HAVCR1: variants seen among roughly 807,000 people sequenced by gnomAD.
HAVCR1 encodes the protein hepatitis A virus cellular receptor 1.
A neutral mutation model predicts 32.0 loss-of-function variants in HAVCR1; 34 were observed. That is an observed-to-expected ratio of 1.06 (90% CI 0.81 to 1.42). The LOEUF is 1.42. Ranked by LOEUF, HAVCR1 falls within the 40% of genes most tolerant of loss-of-function variation. The pLI, the probability that HAVCR1 is intolerant of heterozygous loss-of-function variation, is 0.00. For missense variants in HAVCR1, 420 were observed against 442.3 expected (o/e 0.95, Z 0.45); for synonymous variants, 178 against 170.3 (o/e 1.05, Z -0.35).
At chr5:157,034,054 A>T (rs1450008208) in intron 7 of HAVCR1, among the ~76,000 whole-genome samples, 1 of 152,202 alleles carries the variant, frequency 6.6e-6, no homozygotes, top group Admixed American at 6.5e-5. Context: ...AGGTGGGACA[A>T]GAGACTGAGA....
intron 7 of HAVCR1, among the ~76,000 whole-genome samples, chr5:157,033,772 G>A (rs1319637559): frequency 2.0e-5 from 3 of 152,136 alleles, no homozygotes; most frequent in African/African-American, 7.2e-5. Context: ...CTAAGAAAAG[G>A]GTATTTAAGG....
At chr5:157,039,169 C>T (rs1357796069) in intron 6 of HAVCR1, among the ~76,000 whole-genome samples, 1 of 152,050 alleles carries the variant, frequency 6.6e-6, no homozygotes, top group East Asian at 1.9e-4. Context: ...AGCACTTTTG[C>T]CATTTTGCTT....
intron 4 of HAVCR1, among the ~76,000 whole-genome samples, chr5:157,051,634 G>A (rs540958143): frequency 1.1e-4 from 16 of 152,170 alleles, no homozygotes; most frequent in Middle Eastern, 3.4e-3. Context: ...GGCCCCAAGC[G>A]ATTCCTCCAC....
At chr5:157,049,244 C>T in intron 4 of HAVCR1, 99 bp from the exon 5 acceptor site, 1 of 808,404 alleles carries the variant, frequency 1.2e-6, no homozygotes, top group Non-Finnish European at 2.2e-6. Flanking sequence ...TTACCATCAC[C>T]TTTCCATGGG....
At position 157,035,180 on chromosome 5, in the gene HAVCR1, T is replaced by A. The variant is rs146971954; in HGVS notation, c.952+2067A>T. 2.5e-3 allele frequency among the ~76,000 whole-genome samples: 372 copies of A among 147,632 alleles called. 2 individuals are homozygous for A. The highest frequency in any genetic ancestry group is 8.9e-3 in the African/African-American group (361 of 40,606). On this transcript the variant is annotated intron_variant, in intron 7 of 8. Coordinates refer to ENST00000523175, the MANE Select transcript of HAVCR1 (RefSeq NM_001173393.3). ...TCCTGTTAATCTCCTAATAATCTAT[T>A]TTTTTTTTGGCGTACTCAAGTATCA...
intron 5 of HAVCR1, among the ~76,000 whole-genome samples, chr5:157,044,129 C>A (rs1025694397): frequency 2.0e-5 from 3 of 151,960 alleles, no homozygotes; most frequent in Non-Finnish European, 2.9e-5. Context: ...GTCAGGAGTT[C>A]AAGATCAGCC....
At chr5:157,033,909 C>G (rs535897821) in intron 7 of HAVCR1, among the ~76,000 whole-genome samples, 4 of 152,034 alleles carry the variant, frequency 2.6e-5, no homozygotes, top group Non-Finnish European at 5.9e-5. Flanking sequence ...GAAAATCATT[C>G]GGGTGTGGTG....
chr5:157,048,042 G>A (rs1755511937), intron 5 of HAVCR1, among the ~76,000 whole-genome samples: 1 of 152,216 alleles, frequency 6.6e-6, no homozygotes. Flanking sequence ...GATGATTGTT[G>A]TTGACGTGGT....
intron 3 of HAVCR1, 96 bp from the exon 4 acceptor site, chr5:157,052,750 T>A (rs1755843040): frequency 9.8e-7 from 1 of 1,019,450 alleles, no homozygotes; most frequent in Admixed American, 2.0e-5. Context: ...TGACAGACTG[T>A]CCCTAGGTGG....
the HAVCR1 span, among the ~76,000 whole-genome samples, chr5:157,067,731 C>T: frequency 1.3e-5 from 2 of 151,968 alleles, no homozygotes; most frequent in Non-Finnish European, 2.9e-5. Context: ...TTTTGTTGCC[C>T]AGGCTGGAGT....
At chr5:157,052,105 G>A (rs1755772909) in intron 4 of HAVCR1, among the ~76,000 whole-genome samples, 1 of 152,184 alleles carries the variant, frequency 6.6e-6, no homozygotes, top group Non-Finnish European at 1.5e-5. Flanking sequence ...CCGTGGTCCA[G>A]CTATTTTTGG....
chr5:157,041,219 C>T (rs1042582343), intron 6 of HAVCR1, among the ~76,000 whole-genome samples: 5 of 152,198 alleles, frequency 3.3e-5, no homozygotes, highest in East Asian at 3.9e-4. Flanking sequence ...CATCCTGGGC[C>T]GGGTACGGTG....
intron 8 of HAVCR1, among the ~76,000 whole-genome samples, chr5:157,032,467 G>A (rs571298473): frequency 3.3e-5 from 5 of 152,348 alleles, no homozygotes; most frequent in Admixed American, 6.5e-5. Context: ...GTGGTGAGCC[G>A]AGAAGGTGCC....
intron 4 of HAVCR1, among the ~76,000 whole-genome samples, chr5:157,050,499 G>T (rs1482518826): frequency 5.9e-5 from 9 of 152,154 alleles, no homozygotes; most frequent in Admixed American, 4.6e-4. Flanking sequence ...TTCCTGGACT[G>T]TAATGTTCAA....
At chr5:157,063,660 T>C (rs1005311574), upstream of HAVCR1, among the ~76,000 whole-genome samples, 2 of 152,152 alleles carry the variant, frequency 1.3e-5, no homozygotes, top group Admixed American at 1.3e-4. Context: ...TATCAGCATA[T>C]TACAAGTTGA....
chr5:157,035,424 T>C (rs1317878569), intron 7 of HAVCR1, among the ~76,000 whole-genome samples: 2 of 152,194 alleles, frequency 1.3e-5, no homozygotes, highest in Admixed American at 1.3e-4. Context: ...GGTTCTTTTA[T>C]GGGAGGCAGG....
At position 157,044,635 on chromosome 5, in the gene HAVCR1, AAGAAAG is replaced by A. The variant is rs769108979; in HGVS notation, c.782-1959_782-1954del. Among the ~76,000 whole-genome samples the A allele has an allele frequency of 5.4e-4, 35 of 64,790 alleles. 1 individual carries two copies. The East Asian group carries it at 0.024, about 45-fold the overall frequency. 42.5% of individuals were successfully genotyped at this position (64,790 alleles called of 152,430 possible). On this transcript the variant is annotated intron_variant, in intron 5 of 8. Coordinates refer to ENST00000523175, the MANE Select transcript of HAVCR1 (RefSeq NM_001173393.3). Reference sequence around the variant, plus strand: ...AGAAAGAGAAAGAAAGAAAGAAAGAAAGAAAGAAAGAAAGAAAGAAAGAAAGAAAGA... The same window carrying A: ...AGAAAGAGAAAGAAAGAAAGAAAGAAAAAGAAAGAAAGAAAGAAAGAAAGA...
At chr5:157,044,615 G>GAAAGGAAGAAAGAAAA (rs760337335) in intron 5 of HAVCR1, among the ~76,000 whole-genome samples, 1 of 52,658 alleles carries the variant, frequency 1.9e-5, no homozygotes, top group African/African-American at 6.5e-5. Context: ...AAGAAAGAAA[G>GAAAGGAAGAAAGAAAA]AGAAAGAAAG....
At chr5:157,068,706 A>G in the HAVCR1 span, among the ~76,000 whole-genome samples, 1 of 148,954 alleles carries the variant, frequency 6.7e-6, no homozygotes, top group East Asian at 2.0e-4. Flanking sequence ...TCCACCTCCC[A>G]GGCTCAATCC....
Sources: gnomAD v4.1 joint callset for allele counts (sites outside exome capture counted in the v4.1 genomes callset) on GRCh38, gnomAD v4.1.1 for gene constraint, MANE v1.5 for transcripts, NCBI Gene and HGNC (gene_info 2026-07-23, HGNC 2026-07-21) for gene names.